Variants in PDE1C observed in about 807,000 individuals in gnomAD.
PDE1C encodes dual specificity calcium/calmodulin-dependent 3',5'-cyclic nucleotide phosphodiesterase 1C.
PDE1C carries 62 observed loss-of-function variants against 93.1 expected under a neutral mutation model. The observed-to-expected ratio is 0.67, with a 90% CI of 0.54 to 0.82. PDE1C has a LOEUF of 0.82. PDE1C is among the 40% of genes least tolerant of loss of function. The probability of loss-of-function intolerance (pLI) is 0.00; values close to 1 mark genes in which losing one functional copy is unlikely to be tolerated. For synonymous variants in PDE1C, 325 were observed against 310.1 expected (o/e 1.05, Z -0.50); for missense variants, 742 against 884.6 (o/e 0.84, Z 2.04).
chr7:32,193,047 T>C (rs1804347404), intron 2 of PDE1C, among the ~76,000 whole-genome samples: 1 of 152,196 alleles, frequency 6.6e-6, no homozygotes, highest in Non-Finnish European at 1.5e-5. Context: ...AGAAATTTTG[T>C]TAATTAGCTT....
At chr7:32,014,156 C>T (rs558050325) in intron 2 of PDE1C, among the ~76,000 whole-genome samples, 3 of 152,200 alleles carry the variant, frequency 2.0e-5, no homozygotes, top group Non-Finnish European at 4.4e-5. Context: ...AAGTGCAATG[C>T]ACTGCAATAA....
At chr7:31,939,712 T>A (rs1257329738) in intron 2 of PDE1C, among the ~76,000 whole-genome samples, 1 of 152,148 alleles carries the variant, frequency 6.6e-6, no homozygotes, top group African/African-American at 2.4e-5. Context: ...CTAACTCTTC[T>A]TTACCAAAAA....
At chr7:31,883,302 A>G (rs1797474508) in intron 2 of PDE1C, among the ~76,000 whole-genome samples, 1 of 152,240 alleles carries the variant, frequency 6.6e-6, no homozygotes, top group Non-Finnish European at 1.5e-5. Flanking sequence ...GTGGTCTTCC[A>G]AGGGAGTGAA....
chr7:32,237,742 G>GTGTATATATA (rs1554293052), intron 1 of PDE1C, among the ~76,000 whole-genome samples: 3 of 31,242 alleles, frequency 9.6e-5, no homozygotes, highest in African/African-American at 1.3e-4. Context: ...TTGGCTCTGT[G>GTGTATATATA]TATATATATA....
the PDE1C span, chr7:31,642,832 C>A: frequency 2.5e-6 from 4 of 1,613,704 alleles, no homozygotes; most frequent in Non-Finnish European, 2.5e-6. Context: ...TTTTTCAAGC[C>A]AAGAAGCGAA....
At position 32,154,618 on chromosome 7, in the gene PDE1C, G is replaced by A. The variant is rs562405263; in HGVS notation, c.308+15167C>T. 5.9e-5 allele frequency among the ~76,000 whole-genome samples: 9 copies of A among 152,250 alleles called. No homozygotes were observed. The East Asian group carries it at 1.7e-3, about 29-fold the overall frequency. ...TCCATTTTGCAGAAAAGAAAACTGAGTCCAAGAAAAGCTGAGTAACTTCCC... is the reference window on the plus strand; with the variant it reads ...TCCATTTTGCAGAAAAGAAAACTGAATCCAAGAAAAGCTGAGTAACTTCCC... On this transcript the variant is annotated intron_variant, in intron 3 of 18. Coordinates refer to the PDE1C transcript ENST00000396193.
chr7:31,891,831 C>T (rs978936262), intron 2 of PDE1C, among the ~76,000 whole-genome samples: 1 of 152,012 alleles, frequency 6.6e-6, no homozygotes, highest in Non-Finnish European at 1.5e-5. Flanking sequence ...CACACACACA[C>T]ACACACACGT....
At position 31,753,245 on chromosome 7, in the gene PDE1C, T is replaced by G. The variant is rs1794222764; in HGVS notation, c.*139A>C. ...AGGAAAATCACATACAACTTTCATT[T>G]CACCTTGGTGGAGTCAACCAGGATA... On this transcript the variant is annotated 3_prime_UTR_variant, in exon 18 of 18. Coordinates refer to ENST00000396191, the MANE Select transcript of PDE1C (RefSeq NM_001191057.4). 11 of 1,037,396 alleles carry G rather than the reference T, an allele frequency of 1.1e-5. No homozygotes were observed. In the Admixed American group the frequency reaches 2.9e-4, roughly 27 times the overall value. The allele number at this position is 1,037,396 out of a possible 1,614,324, so 64.3% of individuals were successfully genotyped here. A position where few individuals can be genotyped will look rare whatever the true frequency, so the allele number is the denominator to read the frequency against.
intron 16 of PDE1C, among the ~76,000 whole-genome samples, chr7:31,782,229 G>T (rs1783474671): frequency 6.6e-6 from 1 of 151,984 alleles, no homozygotes; most frequent in Non-Finnish European, 1.5e-5. Context: ...ACACTCACAA[G>T]AAAATGCTTA....
intron 2 of PDE1C, among the ~76,000 whole-genome samples, chr7:32,051,044 G>A (rs1301543993): frequency 6.6e-6 from 1 of 152,210 alleles, no homozygotes; most frequent in Non-Finnish European, 1.5e-5. Context: ...GAGGGATGAT[G>A]ACAGATGTCA....
intron 6 of PDE1C, among the ~76,000 whole-genome samples, chr7:31,867,174 C>T (rs1268317498): frequency 2.0e-5 from 3 of 152,024 alleles, no homozygotes; most frequent in Admixed American, 2.0e-4. Context: ...GACTGCACTG[C>T]CCCCAGGAAC....
At chr7:31,828,226 C>A in intron 12 of PDE1C, 66 bp downstream of exon 12, 1 of 1,276,174 alleles carries the variant, frequency 7.8e-7, no homozygotes, top group Non-Finnish European at 1.1e-6. Flanking sequence ...CCACTGGGAT[C>A]ATCTGTGCTT....
At position 32,131,589 on chromosome 7, in the gene PDE1C, T is replaced by C. The variant is rs575938163; in HGVS notation, c.308+38196A>G. On this transcript the variant is annotated intron_variant, in intron 3 of 18. Transcript: ENST00000396193. Reference sequence around the variant, plus strand: ...GGCCTATTGGGCCTAATCCAAACTTTGCCTTAGGATAATTTACTTATATTG... The same window carrying C: ...GGCCTATTGGGCCTAATCCAAACTTCGCCTTAGGATAATTTACTTATATTG... Among the ~76,000 whole-genome samples the C allele has an allele frequency of 3.3e-5, 5 of 152,282 alleles. No homozygotes were observed. The East Asian group carries it at 7.7e-4, about 24-fold the overall frequency.
chr7:32,115,332 GCTGGAAGTCAT>G, intron 3 of PDE1C, among the ~76,000 whole-genome samples: 1 of 152,144 alleles, frequency 6.6e-6, no homozygotes, highest in East Asian at 1.9e-4. Context: ...CATGGATGAA[GCTGGAAGTCAT>G]CATCCTCAGC....
intron 6 of PDE1C, among the ~76,000 whole-genome samples, chr7:31,871,132 C>A (rs1795898435): frequency 6.6e-6 from 1 of 151,740 alleles, no homozygotes; most frequent in African/African-American, 2.4e-5. Context: ...ACAGAAAGGA[C>A]CCCTTCTTCA....
intron 15 of PDE1C, among the ~76,000 whole-genome samples, chr7:31,814,279 G>C (rs1261380552): frequency 6.6e-6 from 1 of 151,798 alleles, no homozygotes; most frequent in Non-Finnish European, 1.5e-5. Context: ...TGGTAGTTTG[G>C]GTACATGAAA....
At chr7:31,794,069 C>CAGATAGATAGATAGATAGATAGATAGAT (rs1562807857) in intron 16 of PDE1C, among the ~76,000 whole-genome samples, 4 of 134,504 alleles carry the variant, frequency 3.0e-5, no homozygotes, top group South Asian at 2.6e-4. Flanking sequence ...GACAGACAGA[C>CAGATAGATAGATAGATAGATAGATAGAT]AGACAGACAG....
intron 2 of PDE1C, among the ~76,000 whole-genome samples, chr7:31,911,690 T>G (rs990323332): frequency 6.6e-6 from 1 of 152,206 alleles, no homozygotes; most frequent in Non-Finnish European, 1.5e-5. Flanking sequence ...ATCATTTCAC[T>G]GAAAACTGTC....
chr7:31,914,149 C>T (rs1801593340), intron 2 of PDE1C, among the ~76,000 whole-genome samples: 1 of 152,148 alleles, frequency 6.6e-6, no homozygotes, highest in Admixed American at 6.6e-5. Flanking sequence ...AGGTCAGTTT[C>T]AAAGTCAATT....
Sources: allele counts gnomAD v4.1 joint callset (sites outside exome capture counted in the v4.1 genomes callset), GRCh38; gene constraint gnomAD v4.1.1; transcripts MANE v1.5; gene names NCBI Gene and HGNC (gene_info 2026-07-23, HGNC 2026-07-21).